The following DLGAP1 variants were observed in gnomAD, a reference collection of about 807,000 sequenced individuals.
The protein encoded by DLGAP1 is disks large-associated protein 1.
DLGAP1 carries 11 observed loss-of-function variants against 90.8 expected under a neutral mutation model. The ratio of observed to expected loss-of-function variants is 0.12; its 90% confidence interval spans 0.08 to 0.20. DLGAP1 has a LOEUF of 0.20. DLGAP1 is among the 10% of genes least tolerant of loss of function. The pLI is 1.00. For synonymous variants in DLGAP1, 558 were observed against 540.7 expected, an observed-to-expected ratio of 1.03 and a Z score of -0.44; for missense variants, 1,050 against 1,333.8, an observed-to-expected ratio of 0.79 and a Z score of 3.31.
At chr18:3,913,176 G>A (rs1364176180) in intron 3 of DLGAP1, among the ~76,000 whole-genome samples, 4 of 152,124 alleles carry the variant, frequency 2.6e-5, no homozygotes, top group East Asian at 1.9e-4. Flanking sequence ...ATGCAGCCTC[G>A]ACCTTCTGGG....
At chr18:4,395,276 C>A (rs915019221) in intron 1 of DLGAP1, among the ~76,000 whole-genome samples, 2 of 152,134 alleles carry the variant, frequency 1.3e-5, no homozygotes, top group African/African-American at 4.8e-5. Context: ...GTAATATTTT[C>A]TTTTTCCTTT....
At chr18:4,366,393 A>T (rs561824174) in intron 1 of DLGAP1, among the ~76,000 whole-genome samples, 87 of 152,106 alleles carry the variant, frequency 5.7e-4, no homozygotes, top group Non-Finnish European at 1.2e-3. Context: ...AAGCCCATTC[A>T]TTTCTAAATC....
chr18:4,278,636 T>C (rs576885528), intron 1 of DLGAP1, among the ~76,000 whole-genome samples: 1 of 152,220 alleles, frequency 6.6e-6, no homozygotes, highest in South Asian at 2.1e-4. Context: ...TATGGTTGGA[T>C]AGTATTCCAT....
chr18:3,754,040 A>T (rs1005411483), intron 5 of DLGAP1, among the ~76,000 whole-genome samples: 1 of 152,096 alleles, frequency 6.6e-6, no homozygotes, highest in African/African-American at 2.4e-5. Flanking sequence ...CACTCCCATC[A>T]TCTAGGCTAG....
chr18:3,522,732 G>A (rs187883179), intron 10 of DLGAP1, among the ~76,000 whole-genome samples: 185 of 151,706 alleles, frequency 1.2e-3, no homozygotes, highest in African/African-American at 4.3e-3. Context: ...TAGTAGAGAC[G>A]GGGTTTCACC....
intron 1 of DLGAP1, among the ~76,000 whole-genome samples, chr18:4,418,215 C>T (rs2082946526): frequency 6.6e-6 from 1 of 152,112 alleles, no homozygotes; most frequent in African/African-American, 2.4e-5. Context: ...AAGGCATGTC[C>T]ACTACTAGGC....
At chr18:3,844,414 C>T (rs1731290941) in intron 4 of DLGAP1, among the ~76,000 whole-genome samples, 2 of 152,218 alleles carry the variant, frequency 1.3e-5, no homozygotes, top group African/African-American at 4.8e-5. Context: ...CTGCTACCAT[C>T]TGATGAAAAT....
At chr18:3,764,389 T>A (rs928248930) in intron 5 of DLGAP1, among the ~76,000 whole-genome samples, 2 of 152,192 alleles carry the variant, frequency 1.3e-5, no homozygotes, top group Non-Finnish European at 1.5e-5. Flanking sequence ...CTCAGTCCGT[T>A]AACCAAAAAG....
At chr18:4,130,058 T>C (rs1485617005) in intron 2 of DLGAP1, among the ~76,000 whole-genome samples, 5 of 152,304 alleles carry the variant, frequency 3.3e-5, no homozygotes, top group South Asian at 2.1e-4. Context: ...TTCCAGAACA[T>C]TGTGATTTAA....
At position 4,259,892 on chromosome 18, in the gene DLGAP1, C is replaced by T. The variant is rs1195640858; in HGVS notation, c.-266-108605G>A. Among the ~76,000 whole-genome samples, 3 of 152,156 alleles carry T rather than the reference C, an allele frequency of 2.0e-5. No individual in the cohort carries two copies. In the East Asian group the frequency reaches 5.8e-4, roughly 29 times the overall value. ...GAATAATCTCTCTGTGTTAGGTCTA[C>T]TGCTATCTTTTATTATTCTATTTTA... On this transcript the variant is annotated intron_variant, in intron 1 of 12. Transcript: ENST00000315677.
At chr18:4,268,509 TC>T (rs1183775669) in intron 1 of DLGAP1, among the ~76,000 whole-genome samples, 1 of 152,186 alleles carries the variant, frequency 6.6e-6, no homozygotes, top group Middle Eastern at 3.2e-3. Context: ...CTGTAATTTA[TC>T]TCTCCTCTCT....
rs995706290 is a variant in DLGAP1 at position 3,879,725 on chromosome 18, C to T, written c.344G>A (p.Arg115His). The change falls in exon 4 of 13, where the codon CGC (arginine) becomes CAC (histidine). Residue 115 changes from arginine to histidine, a missense_variant. Transcript: ENST00000315677. This position sits in a 1 kb window ranked among gnomAD's most constrained non-coding sequence, Gnocchi z 6.6. ...DQFERQLPLS[R>H]DGYHTLQYKR... ...GTACTGCAGGGTGTGATAGCCATCG[C>T]GGCTGAGTGGCAGCTGCCGCTCGAA... is the stretch of plus-strand genomic sequence containing the variant. The T allele has an allele frequency of 4.4e-6, 7 of 1,608,684 alleles. No homozygotes were observed. In the African/African-American group the frequency reaches 5.3e-5, roughly 12 times the overall value.
intron 1 of DLGAP1, among the ~76,000 whole-genome samples, chr18:4,417,990 G>A (rs2082940995): frequency 6.6e-6 from 1 of 152,090 alleles, no homozygotes; most frequent in Non-Finnish European, 1.5e-5. Flanking sequence ...TCAGTGCAAA[G>A]GAAAGACTTA....
At chr18:4,040,122 T>A (rs2074953261) in intron 2 of DLGAP1, among the ~76,000 whole-genome samples, 1 of 152,200 alleles carries the variant, frequency 6.6e-6, no homozygotes, top group Non-Finnish European at 1.5e-5. Flanking sequence ...GCCTAATGGT[T>A]AAGAGTTTGG....
intron 1 of DLGAP1, among the ~76,000 whole-genome samples, chr18:4,185,848 A>G (rs1400324085): frequency 6.6e-6 from 1 of 152,096 alleles, no homozygotes; most frequent in Non-Finnish European, 1.5e-5. Context: ...TTAGCTCTTT[A>G]AGGAATCATC....
chr18:3,772,374 T>TTCTC (rs1568109141), intron 5 of DLGAP1, among the ~76,000 whole-genome samples: 1 of 15,658 alleles, frequency 6.4e-5, no homozygotes, highest in Non-Finnish European at 2.7e-4. Flanking sequence ...CTTTCTTTCT[T>TTCTC]TCTTTCTTTC....
rs537516117 is a variant in DLGAP1, at chr18:4,325,777, T to C, written c.-267+129229A>G. Among the ~76,000 whole-genome samples the C allele has an allele frequency of 1.7e-4, 26 of 152,070 alleles. 1 individual carries two copies. The South Asian group carries it at 3.7e-3, about 22-fold the overall frequency. On this transcript the variant is annotated intron_variant, in intron 1 of 12. Coordinates refer to ENST00000315677, the MANE Select transcript of DLGAP1 (RefSeq NM_004746.4). ...CAAGCAATGGGGAAAAGATCCTCCA[T>C]TCAAAAAGTGTTAGGATAACTGGCT...
At chr18:3,577,197 C>G (rs1241681821) in intron 8 of DLGAP1, among the ~76,000 whole-genome samples, 3 of 152,196 alleles carry the variant, frequency 2.0e-5, no homozygotes, top group Admixed American at 2.0e-4. Context: ...ACCAGCTGCT[C>G]TGCACCACTC....
At chr18:3,983,137 T>G (rs1310140523) in intron 3 of DLGAP1, 1 of 152,172 alleles carries the variant, frequency 6.6e-6, no homozygotes, top group Admixed American at 6.5e-5. Context: ...TTTCCTTATT[T>G]GAAATTTCAA....
Sources: allele counts gnomAD v4.1 joint callset (sites outside exome capture counted in the v4.1 genomes callset), GRCh38; gene constraint gnomAD v4.1.1; non-coding constraint Gnocchi (gnomAD v3.1); transcripts MANE v1.5; gene names NCBI Gene and HGNC (gene_info 2026-07-23, HGNC 2026-07-21).